The following CUX2 variants were observed in gnomAD, a reference collection of about 807,000 sequenced individuals.
The protein encoded by CUX2 is cut like homeobox 2, also known as homeobox protein cut-like 2.
CUX2 carries 40 observed loss-of-function variants against 144.8 expected under a neutral mutation model. The observed-to-expected ratio is 0.28, with a 90% CI of 0.21 to 0.36. CUX2 has a LOEUF of 0.36. Among genes scored for constraint, CUX2 ranks in the 10% least tolerant of loss-of-function variants. CUX2 has a pLI of 1.00. For synonymous variants in CUX2, 827 were observed against 875.6 expected, an observed-to-expected ratio of 0.94 and a Z score of 0.98; for missense variants, 1,615 against 1,994.0, an observed-to-expected ratio of 0.81 and a Z score of 3.62.
chr12:111,131,593 G>A (rs915799402), intron 1 of CUX2, among the ~76,000 whole-genome samples: 1 of 152,214 alleles, frequency 6.6e-6, no homozygotes, highest in East Asian at 1.9e-4. Flanking sequence ...AAGCAAGCTA[G>A]TTACTTCCTA....
At chr12:111,213,314 G>T (rs1881334673) in intron 1 of CUX2, among the ~76,000 whole-genome samples, 1 of 152,184 alleles carries the variant, frequency 6.6e-6, no homozygotes, top group Admixed American at 6.5e-5. Context: ...ATGGTGAATT[G>T]TACTCCCCTT....
chr12:111,251,077 C>T (rs980770740), intron 3 of CUX2, among the ~76,000 whole-genome samples: 2 of 152,050 alleles, frequency 1.3e-5, no homozygotes, highest in African/African-American at 4.8e-5. Flanking sequence ...CCCTTTTATG[C>T]CAGGAGCCCT....
In CUX2 at chr12:111,178,628, A is replaced by G. The variant is rs923676055; in HGVS notation, c.64-35572A>G. Among the ~76,000 whole-genome samples the G allele has an allele frequency of 6.6e-6, 1 of 152,230 alleles. No individual in the cohort carries two copies. Among genetic ancestry groups the G allele is most frequent in the Non-Finnish European group, 1.5e-5 (1 of 68,044 alleles). On this transcript the variant is annotated intron_variant, in intron 1 of 21. Transcript: ENST00000261726. The surrounding 1 kb of genome is among the most constrained non-coding windows in gnomAD (Gnocchi z 5.7). ...CAGGGGTCCCCACTTTGATCAGTCA[A>G]TGAATATTTCTTAAATACCTACTAT...
intron 3 of CUX2, among the ~76,000 whole-genome samples, chr12:111,222,411 G>A (rs1024147396): frequency 2.0e-5 from 3 of 152,240 alleles, no homozygotes; most frequent in African/African-American, 7.2e-5. Context: ...CCACTGTTGG[G>A]AGATTTTCTT....
intron 1 of CUX2, among the ~76,000 whole-genome samples, chr12:111,042,752 C>G (rs1428579100): frequency 6.6e-6 from 1 of 151,962 alleles, no homozygotes; most frequent in African/African-American, 2.4e-5. Flanking sequence ...CCATCTCAGC[C>G]TCCCAAGTAG....
At chr12:111,099,651 CAG>C (rs1169396233) in intron 1 of CUX2, 1 of 456,682 alleles carries the variant, frequency 2.2e-6, no homozygotes. Flanking sequence ...GATGGAGTCT[CAG>C]GGGAAGGTGG....
In CUX2 at chr12:111,298,657, C is replaced by T. The variant is rs1293490419; in HGVS notation, c.753+68C>T. On this transcript the variant is annotated intron_variant, in intron 9 of 21. Coordinates refer to ENST00000261726, the MANE Select transcript of CUX2 (RefSeq NM_015267.4). Reference sequence around the variant, plus strand: ...TCTGCCTGGGGTGGGGGTCTCGGGCCAGATGAGGAGGAAGGGACTGAGCTT... The same window carrying T: ...TCTGCCTGGGGTGGGGGTCTCGGGCTAGATGAGGAGGAAGGGACTGAGCTT... The T allele has an allele frequency of 1.3e-5, 19 of 1,425,790 alleles. No individual in the cohort carries two copies. The East Asian group carries it at 4.7e-4, about 35-fold the overall frequency. 88.3% of individuals were successfully genotyped at this position (1,425,790 alleles called of 1,614,324 possible).
intron 8 of CUX2, among the ~76,000 whole-genome samples, chr12:111,296,988 C>T (rs1248868904): frequency 6.6e-6 from 1 of 151,144 alleles, no homozygotes; most frequent in African/African-American, 2.4e-5. Flanking sequence ...GTACTTGCTT[C>T]CACCCTCTGG....
chr12:111,246,383 G>C lies in CUX2; in HGVS notation c.223-17378G>C, dbSNP rs1486421925. Among the ~76,000 whole-genome samples, 1 of 152,112 alleles carries C rather than the reference G, an allele frequency of 6.6e-6. No individual in the cohort carries two copies. The highest frequency in any genetic ancestry group is 2.4e-5 in the African/African-American group (1 of 41,420). ...GGCACCTTCCTCACAGGGCTTTTAGGATGATTTCTAGACTTAATACATATA... is the reference window on the plus strand; with the variant it reads ...GGCACCTTCCTCACAGGGCTTTTAGCATGATTTCTAGACTTAATACATATA... On this transcript the variant is annotated intron_variant, in intron 3 of 21. Transcript: ENST00000261726. The surrounding 1 kb of genome is among the most constrained non-coding windows in gnomAD (Gnocchi z 4.0).
At chr12:111,166,417 C>T (rs1431020330) in intron 1 of CUX2, among the ~76,000 whole-genome samples, 2 of 152,200 alleles carry the variant, frequency 1.3e-5, no homozygotes, top group Non-Finnish European at 2.9e-5. Flanking sequence ...TAGCTGAGTT[C>T]TGAGTAGACG....
chr12:111,152,083 G>A (rs764816800), intron 1 of CUX2, among the ~76,000 whole-genome samples: 9 of 152,028 alleles, frequency 5.9e-5, no homozygotes, highest in East Asian at 1.9e-4. Flanking sequence ...TCAGGAGTTC[G>A]AGACCAGCCT....
chr12:111,180,825 G>A (rs989267115), intron 1 of CUX2, among the ~76,000 whole-genome samples: 4 of 152,134 alleles, frequency 2.6e-5, no homozygotes, highest in Non-Finnish European at 1.5e-5. Flanking sequence ...AGGCTCCCCT[G>A]AGTTATTGAG....
At chr12:111,137,588 C>T (rs1875986805) in intron 1 of CUX2, among the ~76,000 whole-genome samples, 1 of 152,120 alleles carries the variant, frequency 6.6e-6, no homozygotes, top group Admixed American at 6.5e-5. Flanking sequence ...TCACAGTTCA[C>T]TACAGTCTCG....
intron 4 of CUX2, among the ~76,000 whole-genome samples, chr12:111,275,405 A>T (rs1292574034): frequency 2.0e-5 from 3 of 152,194 alleles, no homozygotes; most frequent in African/African-American, 7.2e-5. Flanking sequence ...TCTATTGACC[A>T]TCTGTGTATT....
intron 3 of CUX2, among the ~76,000 whole-genome samples, chr12:111,221,177 C>T (rs1174229430): frequency 6.6e-6 from 1 of 152,100 alleles, no homozygotes; most frequent in Non-Finnish European, 1.5e-5. Flanking sequence ...AGAGGGCTTT[C>T]CATCGTCCCT....
intron 1 of CUX2, among the ~76,000 whole-genome samples, chr12:111,169,046 G>A (rs936048181): frequency 6.6e-6 from 1 of 152,090 alleles, no homozygotes; most frequent in Non-Finnish European, 1.5e-5. Flanking sequence ...GAACCTCAGG[G>A]TATGACCTTA....
At position 111,348,117 on chromosome 12, in the gene CUX2, C is replaced by T. The variant is rs1888901711; in HGVS notation, c.4253C>T (p.Ala1418Val). The T allele has an allele frequency of 1.2e-6, 2 of 1,614,050 alleles. No homozygotes were observed. The highest frequency in any genetic ancestry group is 1.7e-5 in the Admixed American group (1 of 60,006). Reference sequence around the variant, plus strand: ...GTGTCACCTGTCCCCTCCTCCTCAGCTCCCATCTCCCCATCCCCACCTGGC... The same window carrying T: ...GTGTCACCTGTCCCCTCCTCCTCAGTTCCCATCTCCCCATCCCCACCTGGC... ...MSVSPVPSSS[A>V]PISPSPPGAP... Residue 1418 changes from alanine to valine, a missense_variant, in exon 22 of 22, where the codon GCT becomes GTT. Coordinates refer to ENST00000261726, the MANE Select transcript of CUX2 (RefSeq NM_015267.4).
rs978328488 is a variant in CUX2, at chr12:111,037,979, C to A, written c.63+3739C>A. On this transcript the variant is annotated intron_variant, in intron 1 of 21. Transcript: ENST00000261726. The surrounding 1 kb of genome is among the most constrained non-coding windows in gnomAD (Gnocchi z 5.4). ...ATAGTACTAATCTGGGAGGAAGGGGCAAATTCTGCTTCGGGTGTCAGCAGT... is the reference window on the plus strand; with the variant it reads ...ATAGTACTAATCTGGGAGGAAGGGGAAAATTCTGCTTCGGGTGTCAGCAGT... Among the ~76,000 whole-genome samples, 2 of 152,110 alleles carry A rather than the reference C, an allele frequency of 1.3e-5. No individual in the cohort carries two copies. The highest frequency in any genetic ancestry group is 2.9e-5 in the Non-Finnish European group (2 of 68,014).
At chr12:111,198,203 G>A (rs1043895146) in intron 1 of CUX2, among the ~76,000 whole-genome samples, 5 of 152,068 alleles carry the variant, frequency 3.3e-5, no homozygotes, top group African/African-American at 4.8e-5. Context: ...GGCCAGGTGC[G>A]GGTGGCTCAT....
Sources: allele counts gnomAD v4.1 joint callset (sites outside exome capture counted in the v4.1 genomes callset), GRCh38; gene constraint gnomAD v4.1.1; non-coding constraint Gnocchi (gnomAD v3.1); transcripts MANE v1.5; gene names NCBI Gene and HGNC (gene_info 2026-07-23, HGNC 2026-07-21).